The following SLIT3 variants were observed in gnomAD, a reference collection of about 807,000 sequenced individuals.
SLIT3 encodes slit guidance ligand 3.
Under a neutral mutation model 184.0 loss-of-function variants are expected in SLIT3, and 68 were observed. The ratio of observed to expected loss-of-function variants is 0.37; its 90% confidence interval spans 0.30 to 0.45. The LOEUF (loss-of-function observed/expected upper bound fraction) is 0.45, where lower values mean the gene tolerates loss of function less well. Among genes scored for constraint, SLIT3 ranks in the 20% least tolerant of loss-of-function variants. SLIT3 has a pLI of 1.00. For synonymous variants in SLIT3, 831 were observed against 828.6 expected, an observed-to-expected ratio of 1.00 and a Z score of -0.05; for missense variants, 1,707 against 2,026.0, an observed-to-expected ratio of 0.84 and a Z score of 3.02.
intron 4 of SLIT3, among the ~76,000 whole-genome samples, chr5:168,978,647 G>A (rs909693087): frequency 5.9e-5 from 9 of 152,166 alleles, no homozygotes; most frequent in African/African-American, 2.2e-4. Context: ...AGATTATATG[G>A]AAGAAGGTCA....
chr5:168,775,605 TTAGGAGCTC>T (rs1312005439), intron 12 of SLIT3, among the ~76,000 whole-genome samples: 4 of 152,180 alleles, frequency 2.6e-5, no homozygotes, highest in African/African-American at 7.2e-5. Context: ...CCACACAGGA[TTAGGAGCTC>T]TATAATGGCA....
chr5:168,838,222 G>A (rs988524177), intron 6 of SLIT3, among the ~76,000 whole-genome samples: 5 of 152,126 alleles, frequency 3.3e-5, no homozygotes, highest in African/African-American at 4.8e-5. Flanking sequence ...ATCTGAGTTC[G>A]GAAAGAGTAG....
Position 168,835,810 on chromosome 5 carries a change from C to CAA in SLIT3, c.557+8772_557+8773dup, listed in dbSNP as rs11427871. On this transcript the variant is annotated intron_variant, in intron 6 of 35. Transcript: ENST00000519560. ...TGGGTGACAGAGCAAGACTCCATCT[C>CAA]AAAAAAAAAAAAAAATTTGTTTTTG... 5.3e-3 allele frequency among the ~76,000 whole-genome samples: 734 copies of CAA among 138,540 alleles called. 7 individuals are homozygous for CAA. The highest frequency in any genetic ancestry group is 0.017 in the African/African-American group (655 of 38,426). 90.9% of individuals were successfully genotyped at this position (138,540 alleles called of 152,430 possible). A position where few individuals can be genotyped will look rare whatever the true frequency, so the allele number is the denominator to read the frequency against.
intron 1 of SLIT3, among the ~76,000 whole-genome samples, chr5:169,262,700 G>T (rs182903830): frequency 2.0e-5 from 3 of 152,138 alleles, no homozygotes; most frequent in East Asian, 1.9e-4. Flanking sequence ...TAAGAAGGGG[G>T]TTCTCATTAC....
rs780756782 is a variant in SLIT3 at position 168,880,776 on chromosome 5, G to A, written c.485+2489C>T. On this transcript the variant is annotated intron_variant, in intron 5 of 35. Coordinates refer to ENST00000519560, the MANE Select transcript of SLIT3 (RefSeq NM_003062.4). ...AATTCATACATACTTCTATCAGACC[G>A]CCAAAACCATGCTTCTAACCGCTAG... is the stretch of plus-strand genomic sequence containing the variant. Among the ~76,000 whole-genome samples the A allele has an allele frequency of 5.9e-5, 9 of 152,152 alleles. No individual in the cohort carries two copies. The South Asian group carries it at 8.3e-4, about 14-fold the overall frequency.
intron 4 of SLIT3, among the ~76,000 whole-genome samples, chr5:168,975,884 C>T (rs759285386): frequency 6.6e-6 from 1 of 152,288 alleles, no homozygotes; most frequent in East Asian, 1.9e-4. Context: ...ATCTCACTCC[C>T]ACCCATCTCC....
intron 4 of SLIT3, among the ~76,000 whole-genome samples, chr5:168,908,926 T>C (rs1457111284): frequency 6.6e-6 from 1 of 152,048 alleles, no homozygotes; most frequent in Non-Finnish European, 1.5e-5. Context: ...CATAAGAGGG[T>C]CCTGAAAAAT....
chr5:169,019,511 G>A (rs553108473), intron 4 of SLIT3, among the ~76,000 whole-genome samples: 8 of 152,272 alleles, frequency 5.3e-5, no homozygotes, highest in East Asian at 3.9e-4. Flanking sequence ...CTAGGTCAGC[G>A]GCTTTGCATA....
At chr5:169,152,675 A>G (rs924742044) in intron 4 of SLIT3, among the ~76,000 whole-genome samples, 1 of 152,236 alleles carries the variant, frequency 6.6e-6, no homozygotes, top group East Asian at 1.9e-4. Context: ...AGTGGAAGAC[A>G]GCAGGCCTGC....
At chr5:168,971,168 A>G (rs562071461) in intron 4 of SLIT3, among the ~76,000 whole-genome samples, 1 of 152,390 alleles carries the variant, frequency 6.6e-6, no homozygotes, top group Admixed American at 6.5e-5. Context: ...CGCTATTAGC[A>G]TATTTCAAGT....
intron 8 of SLIT3, among the ~76,000 whole-genome samples, chr5:168,815,888 C>G (rs1757321347): frequency 6.6e-6 from 1 of 152,186 alleles, no homozygotes; most frequent in Admixed American, 6.5e-5. Context: ...GAGAGAAATG[C>G]AGAGCTCACA....
intron 4 of SLIT3, among the ~76,000 whole-genome samples, chr5:169,141,328 T>C (rs1337423667): frequency 6.6e-6 from 1 of 152,172 alleles, no homozygotes; most frequent in Non-Finnish European, 1.5e-5. Flanking sequence ...AGGATCTTAA[T>C]TCTGCCTCTT....
chr5:169,180,039 C>A (rs765252892), intron 4 of SLIT3, among the ~76,000 whole-genome samples: 9 of 152,062 alleles, frequency 5.9e-5, no homozygotes, highest in Admixed American at 1.3e-4. Context: ...GTGATAAGTG[C>A]TATGAAGAAA....
At chr5:169,114,392 C>T (rs1245747925) in intron 4 of SLIT3, among the ~76,000 whole-genome samples, 1 of 152,148 alleles carries the variant, frequency 6.6e-6, no homozygotes, top group African/African-American at 2.4e-5. Flanking sequence ...AGTAGCAGAG[C>T]CTGGATTAGA....
chr5:168,671,457 C>T lies in SLIT3; in HGVS notation c.3868G>A (p.Ala1290Thr), dbSNP rs535439664. 36 of 1,612,524 alleles carry T rather than the reference C, an allele frequency of 2.2e-5. No individual in the cohort carries two copies. The highest frequency in any genetic ancestry group is 1.1e-4 in the South Asian group (10 of 90,650). Residue 1290 changes from alanine (A) to threonine (T), a missense_variant, in exon 34 of 36, where the codon GCC becomes ACC. By Grantham distance (58) the Ala-to-Thr change is moderately conservative. Around this residue, in one of 3 missense-constraint regions of SLIT3, gnomAD observed 387 missense variants for 477.9 expected, o/e 0.81. Transcript: ENST00000519560. ...GGIPTSTGLS[A>T]LRQGTDRPLG... ...GGCCGGTCCGTGCCCTGGCGCAAGGCAGAGAGGCCGGTGGAGGTGGGGATG... is the reference window on the plus strand; with the variant it reads ...GGCCGGTCCGTGCCCTGGCGCAAGGTAGAGAGGCCGGTGGAGGTGGGGATG...
chr5:168,848,225 G>A (rs1166673118), intron 5 of SLIT3, among the ~76,000 whole-genome samples: 1 of 152,218 alleles, frequency 6.6e-6, no homozygotes, highest in Non-Finnish European at 1.5e-5. Context: ...ATGGAATAAA[G>A]CTCTAAGCCA....
At chr5:168,705,924 T>TA (rs1246837548) in intron 26 of SLIT3, among the ~76,000 whole-genome samples, 1 of 152,206 alleles carries the variant, frequency 6.6e-6, no homozygotes, top group African/African-American at 2.4e-5. Flanking sequence ...AAGCTGATTA[T>TA]AAAAATCAGA....
intron 4 of SLIT3, among the ~76,000 whole-genome samples, chr5:169,000,207 C>T (rs1163875529): frequency 6.6e-6 from 1 of 151,888 alleles, no homozygotes; most frequent in African/African-American, 2.4e-5. Flanking sequence ...TTCTGGCCAA[C>T]ATGGTGAAAC....
At chr5:168,983,777 T>C (rs1755031547) in intron 4 of SLIT3, among the ~76,000 whole-genome samples, 1 of 152,218 alleles carries the variant, frequency 6.6e-6, no homozygotes, top group South Asian at 2.1e-4. Context: ...TTTTTGGAGG[T>C]ATGATACGAG....
Sources: gnomAD v4.1 joint callset for allele counts (sites outside exome capture counted in the v4.1 genomes callset) on GRCh38, gnomAD v4.1.1 for gene constraint, gnomAD v4.1.1 regional missense constraint, MANE v1.5 for transcripts, NCBI Gene and HGNC (gene_info 2026-07-23, HGNC 2026-07-21) for gene names.